Variants in CASD1 observed in about 807,000 individuals in gnomAD.
CASD1 encodes N-acetylneuraminate (7)9-O-acetyltransferase.
CASD1 carries 41 observed loss-of-function variants against 100.0 expected under a neutral mutation model. The observed-to-expected ratio is 0.41, with a 90% CI of 0.32 to 0.53. The LOEUF is 0.53. CASD1 is among the 20% of genes least tolerant of loss of function. CASD1 has a pLI of 0.25. For missense variants in CASD1, 774 were observed against 948.7 expected, an observed-to-expected ratio of 0.82 and a Z score of 2.42; for synonymous variants, 321 against 315.6, an observed-to-expected ratio of 1.02 and a Z score of -0.18.
the CASD1 span, among the ~76,000 whole-genome samples, chr7:94,574,046 T>C: frequency 1.3e-5 from 2 of 152,214 alleles, no homozygotes; most frequent in East Asian, 3.9e-4. Flanking sequence ...GATTTGTGTA[T>C]GTTGAACCAA....
In CASD1 at chr7:94,551,732, A is replaced by T. The variant is rs1795959152; in HGVS notation, c.1956+254A>T. 1.7e-5 allele frequency: 3 copies of T among 175,094 alleles called. No homozygotes were observed. The South Asian group carries it at 5.9e-4, about 34-fold the overall frequency. 10.8% of individuals were successfully genotyped at this position (175,094 alleles called of 1,614,324 possible). ...TAGTTAGGTAAGCAATAACAGCAGA[A>T]TACACATTTATTTCAAATGCATGCA... On this transcript the variant is annotated intron_variant, in intron 15 of 17. Transcript: ENST00000297273.
At chr7:94,527,073 C>A in intron 3 of CASD1, 89 bp from the exon 4 acceptor site, 1 of 951,598 alleles carries the variant, frequency 1.1e-6, no homozygotes, top group Non-Finnish European at 1.6e-6. Context: ...CAAAAATATG[C>A]ATAAAAATAA....
the CASD1 span, among the ~76,000 whole-genome samples, chr7:94,615,446 CATAG>C: frequency 3.9e-5 from 6 of 151,936 alleles, no homozygotes; most frequent in Admixed American, 1.3e-4. Context: ...TGTAAGTTAC[CATAG>C]ATAGAGACAA....
chr7:94,528,134 G>A, intron 4 of CASD1, 54 bp from the exon 5 acceptor site: 1 of 1,182,852 alleles, frequency 8.5e-7, no homozygotes, highest in Non-Finnish European at 1.2e-6. Context: ...ATTTTGAATG[G>A]TGGAATTAAG....
At chr7:94,609,415 T>G in the CASD1 span, among the ~76,000 whole-genome samples, 1 of 152,140 alleles carries the variant, frequency 6.6e-6, no homozygotes, top group African/African-American at 2.4e-5. Context: ...TAGTCCCAGC[T>G]ACTTGACTTG....
chr7:94,566,438 T>G, the CASD1 span, among the ~76,000 whole-genome samples: 3 of 150,808 alleles, frequency 2.0e-5, no homozygotes, highest in Non-Finnish European at 4.4e-5. Context: ...AAAGAAATGC[T>G]GCAAACAAAA....
At chr7:94,608,537 C>A in the CASD1 span, among the ~76,000 whole-genome samples, 1 of 152,102 alleles carries the variant, frequency 6.6e-6, no homozygotes, top group Non-Finnish European at 1.5e-5. Context: ...CAATCATATT[C>A]TCAGCAAGTT....
chr7:94,574,842 C>A, the CASD1 span, among the ~76,000 whole-genome samples: 1 of 151,970 alleles, frequency 6.6e-6, no homozygotes, highest in Non-Finnish European at 1.5e-5. Flanking sequence ...TGGCAGCGGG[C>A]ACCTGTAGTC....
intron 13 of CASD1, among the ~76,000 whole-genome samples, chr7:94,547,542 TTGA>T (rs1471576948): frequency 1.3e-5 from 2 of 152,098 alleles, no homozygotes; most frequent in African/African-American, 4.8e-5. Flanking sequence ...CATCAAAGTA[TTGA>T]TTTTTCCATA....
At chr7:94,603,860 A>C in the CASD1 span, among the ~76,000 whole-genome samples, 3 of 152,276 alleles carry the variant, frequency 2.0e-5, no homozygotes, top group Non-Finnish European at 4.4e-5. Flanking sequence ...ATAAATAACT[A>C]AGTAATACAT....
the CASD1 span, among the ~76,000 whole-genome samples, chr7:94,574,194 T>C: frequency 6.6e-6 from 1 of 152,184 alleles, no homozygotes; most frequent in African/African-American, 2.4e-5. Context: ...TTTTCTTTTT[T>C]GTTTTATGTC....
the CASD1 span, among the ~76,000 whole-genome samples, chr7:94,632,597 C>CA: frequency 6.6e-6 from 1 of 152,076 alleles, no homozygotes; most frequent in Admixed American, 6.6e-5. Flanking sequence ...CATTCATCAT[C>CA]TAGAAATGGA....
chr7:94,581,238 A>G, the CASD1 span, among the ~76,000 whole-genome samples: 1 of 152,196 alleles, frequency 6.6e-6, no homozygotes, highest in Non-Finnish European at 1.5e-5. Context: ...CTTCCCAGGA[A>G]AGTGGTACCA....
chr7:94,528,100 C>T lies in CASD1; in HGVS notation c.397-88C>T, dbSNP rs774536400. The T allele has an allele frequency of 3.5e-4, 313 of 906,254 alleles. 1 individual carries two copies. The highest frequency in any genetic ancestry group is 1.1e-3 in the Middle Eastern group (4 of 3,778). 56.1% of individuals were successfully genotyped at this position (906,254 alleles called of 1,614,324 possible). A position where few individuals can be genotyped will look rare whatever the true frequency, so the allele number is the denominator to read the frequency against. On this transcript the variant is annotated intron_variant, in intron 4 of 17. Coordinates refer to ENST00000297273, the MANE Select transcript of CASD1 (RefSeq NM_022900.5). ...CAAGGTAGTGTTTTACTTTTAAGTA[C>T]TCTGTAAGAGAATGTTAATGTTTAT...
chr7:94,606,341 C>A, the CASD1 span, among the ~76,000 whole-genome samples: 1 of 152,146 alleles, frequency 6.6e-6, no homozygotes, highest in African/African-American at 2.4e-5. Flanking sequence ...TAATTTCAGA[C>A]AGAGCCAACC....
intron 10 of CASD1, among the ~76,000 whole-genome samples, chr7:94,543,248 A>G (rs1449429789): frequency 6.6e-6 from 1 of 152,222 alleles, no homozygotes; most frequent in East Asian, 1.9e-4. Flanking sequence ...CCGTCCAAAA[A>G]GAAACATGAA....
At chr7:94,543,904 G>A (rs1414229078) in intron 10 of CASD1, among the ~76,000 whole-genome samples, 2 of 152,196 alleles carry the variant, frequency 1.3e-5, no homozygotes, top group Non-Finnish European at 2.9e-5. Context: ...ACTTGGTCAT[G>A]ATGAAGACAG....
chr7:94,524,778 T>C (rs943966246), intron 3 of CASD1, among the ~76,000 whole-genome samples: 4 of 152,100 alleles, frequency 2.6e-5, no homozygotes, highest in Non-Finnish European at 5.9e-5. Context: ...TTAATAAAAA[T>C]AGTATTGATA....
chr7:94,522,270 G>C (rs1198869985), intron 3 of CASD1, among the ~76,000 whole-genome samples: 1 of 152,118 alleles, frequency 6.6e-6, no homozygotes, highest in Non-Finnish European at 1.5e-5. Flanking sequence ...GATTCACCAG[G>C]TAAATACTAA....
Sources: gnomAD v4.1 joint callset for allele counts (sites outside exome capture counted in the v4.1 genomes callset) on GRCh38, gnomAD v4.1.1 for gene constraint, MANE v1.5 for transcripts, NCBI Gene and HGNC (gene_info 2026-07-23, HGNC 2026-07-21) for gene names.